The following BEND4 variants were observed in gnomAD, a reference collection of about 807,000 sequenced individuals.
BEND4 encodes BEN domain-containing protein 4.
In BEND4, 27 loss-of-function variants were observed where a neutral mutation model predicts 54.7. The ratio of observed to expected loss-of-function variants is 0.49; its 90% CI spans 0.36 to 0.68. The LOEUF is 0.68. Ranked by LOEUF, BEND4 falls within the 30% of genes least tolerant of loss-of-function variation. The probability of loss-of-function intolerance (pLI) is 0.00; values close to 1 mark genes in which losing one functional copy is unlikely to be tolerated. For missense variants in BEND4, 702 were observed against 697.2 expected (o/e 1.01, Z -0.08); for synonymous variants, 327 against 299.5 (o/e 1.09, Z -0.95).
chr4:42,120,429 C>T (rs1161308318), intron 4 of BEND4, 135 bp from the exon 5 acceptor site: 1 of 1,095,812 alleles, frequency 9.1e-7, no homozygotes, highest in African/African-American at 1.6e-5. Context: ...TTGAAGTGCG[C>T]AAATAATTGC....
chr4:42,129,474 T>C (rs1200517055), intron 3 of BEND4, among the ~76,000 whole-genome samples: 1 of 152,050 alleles, frequency 6.6e-6, no homozygotes, highest in African/African-American at 2.4e-5. Context: ...GCCATGACAA[T>C]CTAAGCAAAA....
intron 3 of BEND4, among the ~76,000 whole-genome samples, chr4:42,129,608 C>CA (rs1168889873): frequency 1.2e-4 from 19 of 152,160 alleles, no homozygotes; most frequent in African/African-American, 4.3e-4. Context: ...ATCTGATCTT[C>CA]AAAAAACCTG....
At position 42,117,447 on chromosome 4, in the gene BEND4, TGACAGGAA is replaced by T; in HGVS notation, c.*63_*70del. The T allele has an allele frequency of 9.3e-7, 1 of 1,078,500 alleles. No homozygotes were observed. The highest frequency in any genetic ancestry group is 2.2e-5 in the Admixed American group (1 of 45,820). The allele number at this position is 1,078,500 out of a possible 1,614,324, so 66.8% of individuals were successfully genotyped here. On this transcript the variant is annotated 3_prime_UTR_variant, in exon 6 of 6. Transcript: ENST00000502486. ...GAATGACAGGCTTTGGACTCTCAGGTGACAGGAACAGGACATTCACAATTGGAACTCTT... is the reference window on the plus strand; with the variant it reads ...GAATGACAGGCTTTGGACTCTCAGGTCAGGACATTCACAATTGGAACTCTT...
chr4:42,123,266 T>C (rs1038972974), intron 4 of BEND4, among the ~76,000 whole-genome samples: 1 of 152,192 alleles, frequency 6.6e-6, no homozygotes, highest in Admixed American at 6.5e-5. Context: ...TAAAGAGTCA[T>C]AATGATGATG....
At chr4:42,121,755 G>C in intron 4 of BEND4, among the ~76,000 whole-genome samples, 1 of 152,188 alleles carries the variant, frequency 6.6e-6, no homozygotes, top group East Asian at 1.9e-4. Flanking sequence ...AATCAAGTCT[G>C]TGCAGGACAG....
chr4:42,131,227 T>G (rs1432825111), intron 3 of BEND4, among the ~76,000 whole-genome samples: 1 of 152,178 alleles, frequency 6.6e-6, no homozygotes, highest in Non-Finnish European at 1.5e-5. Flanking sequence ...ACTTAAAATA[T>G]ATAAAATAAA....
chr4:42,132,449 T>TTATA (rs1308670136), intron 3 of BEND4, among the ~76,000 whole-genome samples: 1 of 151,870 alleles, frequency 6.6e-6, no homozygotes, highest in African/African-American at 2.4e-5. Flanking sequence ...TATTATTTAT[T>TTATA]TATTTATTTA....
intron 5 of BEND4, 145 bp from the exon 6 acceptor site, chr4:42,117,880 G>T (rs1719908337): frequency 1.6e-6 from 1 of 619,120 alleles, no homozygotes; most frequent in African/African-American, 1.9e-5. Flanking sequence ...CCATGATGAT[G>T]TCACTCATTA....
chr4:42,120,211 ATCTT>A lies in BEND4; in HGVS notation c.1226_1229del (p.Lys409MetfsTer49). On this transcript the variant is annotated frameshift_variant, in exon 5 of 6. Transcript: ENST00000502486. LOFTEE classifies it high-confidence loss of function. Reference sequence around the variant, plus strand: ...TGAGGTATCGAAGGAGCCGTCTCCCATCTTTCTTTGAAGAATTTACAGCCTCATC... The same window carrying A: ...TGAGGTATCGAAGGAGCCGTCTCCCATCTTTGAAGAATTTACAGCCTCATC... 6.2e-7 allele frequency: 1 copy of A among 1,613,948 alleles called. No homozygotes were observed. Among genetic ancestry groups the A allele is most frequent in the Non-Finnish European group, 8.5e-7 (1 of 1,179,888 alleles).
At chr4:42,133,752 G>C (rs1560579779) in intron 3 of BEND4, among the ~76,000 whole-genome samples, 1 of 152,196 alleles carries the variant, frequency 6.6e-6, no homozygotes, top group Admixed American at 6.5e-5. Flanking sequence ...CTACTTGGGA[G>C]GCTGAGGCAG....
Position 42,125,670 on chromosome 4 carries a change from G to C in BEND4, c.1059C>G (p.Pro353=). The change falls in exon 4 of 6, where the codon CCC becomes CCG. Residue 353 remains proline, a synonymous_variant. Transcript: ENST00000502486. ...TCAAGTAATCTAAAACGGTCTGGCA[G>C]GGCACTGGGTGGAAGAAATGGCAAC... ...LRRKLESIPV[P]CQTVLDYLKM... 3 of 1,606,902 alleles carry C rather than the reference G, an allele frequency of 1.9e-6. No individual in the cohort carries two copies. The highest frequency in any genetic ancestry group is 2.6e-6 in the Non-Finnish European group (3 of 1,175,914).
rs1223812575 is a variant in BEND4, at chr4:42,125,982, C to G, written c.1055-308G>C. ...TCTTGAGCTCCTGGCCTCAAGTGAT[C>G]CTCCTGCTTTGGCCTCCCAAAGTGC... On this transcript the variant is annotated intron_variant, in intron 3 of 5. Transcript: ENST00000502486. 2.6e-5 allele frequency among the ~76,000 whole-genome samples: 4 copies of G among 152,046 alleles called. No individual in the cohort carries two copies. The East Asian group carries it at 7.7e-4, about 29-fold the overall frequency.
At chr4:42,122,048 G>A (rs1298887516) in intron 4 of BEND4, among the ~76,000 whole-genome samples, 2 of 152,134 alleles carry the variant, frequency 1.3e-5, no homozygotes, top group Non-Finnish European at 2.9e-5. Context: ...GGTGAAATCG[G>A]GGGGCTGGCT....
At position 42,111,524 on chromosome 4, in the gene BEND4, A is replaced by C. The variant is rs749342621; in HGVS notation, c.*5994T>G. The C allele has an allele frequency of 1.3e-5, 2 of 152,204 alleles. No homozygotes were observed. The highest frequency in any genetic ancestry group is 2.9e-5 in the Non-Finnish European group (2 of 68,036). The allele number at this position is 152,204 out of a possible 1,614,324, so 9.4% of individuals were successfully genotyped here. A position where few individuals can be genotyped will look rare whatever the true frequency, so the allele number is the denominator to read the frequency against. On this transcript the variant is annotated 3_prime_UTR_variant, in exon 6 of 6. Coordinates refer to ENST00000502486, the MANE Select transcript of BEND4 (RefSeq NM_207406.4). Reference sequence around the variant, plus strand: ...ACCTCTAGCATGCCCTGTTCCCAAGAAGTGCAAGCCAGGACCCTCATGGCC... The same window carrying C: ...ACCTCTAGCATGCCCTGTTCCCAAGCAGTGCAAGCCAGGACCCTCATGGCC...
In BEND4 at chr4:42,151,974, G is replaced by A; in HGVS notation, c.170C>T (p.Pro57Leu). ...VELPHVRAPP[P>L]PPPPFAPHAA... is the part of the protein sequence containing the mutation. ...GTGCGGCGCGAAGGGCGGCGGGGGCGGCGGGGGCGCCCGCACGTGCGGCAG... is the reference window on the plus strand; with the variant it reads ...GTGCGGCGCGAAGGGCGGCGGGGGCAGCGGGGGCGCCCGCACGTGCGGCAG... The change falls in exon 2 of 6, where the codon CCG (proline) becomes CTG (leucine). Residue 57 changes from proline to leucine, a missense_variant. Coordinates refer to ENST00000502486, the MANE Select transcript of BEND4 (RefSeq NM_207406.4). 1 of 1,251,830 alleles carries A rather than the reference G, an allele frequency of 8.0e-7. No homozygotes were observed. The highest frequency in any genetic ancestry group is 1.0e-6 in the Non-Finnish European group (1 of 994,114). The allele number at this position is 1,251,830 out of a possible 1,614,324, so 77.5% of individuals were successfully genotyped here. A position where few individuals can be genotyped will look rare whatever the true frequency, so the allele number is the denominator to read the frequency against.
At chr4:42,144,218 G>A (rs1720997791) in intron 2 of BEND4, 1 of 586,010 alleles carries the variant, frequency 1.7e-6, no homozygotes, top group African/African-American at 1.9e-5. Context: ...TCTTGCTCTA[G>A]GAAACGGCTG....
Position 42,152,084 on chromosome 4 carries a change from C to T in BEND4, c.60G>A (p.Gln20=), listed in dbSNP as rs1382887370. The T allele has an allele frequency of 6.4e-6, 8 of 1,251,358 alleles. No individual in the cohort carries two copies. The highest frequency in any genetic ancestry group is 8.1e-6 in the Non-Finnish European group (8 of 989,748). 77.5% of individuals were successfully genotyped at this position (1,251,358 alleles called of 1,614,324 possible). A position where few individuals can be genotyped will look rare whatever the true frequency, so the allele number is the denominator to read the frequency against. The part of the protein sequence containing the change: ...EGPSVPKIYK[Q]RSPYSVLKTF... ...TCTTGAGGACGCTGTAGGGGCTGCGCTGCTTGTAGATTTTGGGGACGCTGG... is the reference window on the plus strand; with the variant it reads ...TCTTGAGGACGCTGTAGGGGCTGCGTTGCTTGTAGATTTTGGGGACGCTGG... Residue 20 remains glutamine (Q), a synonymous_variant, in exon 2 of 6, where the codon CAG becomes CAA. Transcript: ENST00000502486.
chr4:42,131,004 T>A (rs2153145872), intron 3 of BEND4, among the ~76,000 whole-genome samples: 1 of 152,004 alleles, frequency 6.6e-6, no homozygotes, highest in African/African-American at 2.4e-5. Context: ...CTCATAAGTG[T>A]GAGCTAAACA....
At chr4:42,150,542 TAA>T (rs1462837074) in intron 2 of BEND4, among the ~76,000 whole-genome samples, 1 of 152,164 alleles carries the variant, frequency 6.6e-6, no homozygotes, top group African/African-American at 2.4e-5. Context: ...GAGAAAAAAA[TAA>T]GTCTCAAGAT....
Sources: gnomAD v4.1 joint callset for allele counts (sites outside exome capture counted in the v4.1 genomes callset) on GRCh38, gnomAD v4.1.1 for gene constraint, MANE v1.5 for transcripts, NCBI Gene and HGNC (gene_info 2026-07-23, HGNC 2026-07-21) for gene names.